HELLS: variants seen among roughly 807,000 people sequenced by gnomAD.
The protein encoded by HELLS is lymphoid-specific helicase.
HELLS carries 32 observed loss-of-function variants against 120.0 expected under a neutral mutation model. The observed-to-expected ratio is 0.27, with a 90% CI of 0.20 to 0.36. HELLS has a LOEUF of 0.36. HELLS is among the 10% of genes least tolerant of loss of function. The probability of loss-of-function intolerance (pLI) is 1.00; values close to 1 mark genes in which losing one functional copy is unlikely to be tolerated. For missense variants in HELLS, 650 were observed against 993.4 expected (o/e 0.65, Z 4.65); for synonymous variants, 341 against 323.4 (o/e 1.05, Z -0.58).
chr10:94,606,944 CTG>C (rs1293732123), downstream of HELLS, among the ~76,000 whole-genome samples: 1 of 152,172 alleles, frequency 6.6e-6, no homozygotes, highest in Non-Finnish European at 1.5e-5. Flanking sequence ...ACATATATAT[CTG>C]AGAGAAATTC....
At chr10:94,574,785 A>T (rs780005748) in intron 9 of HELLS, 49 bp downstream of exon 9, 2 of 1,434,410 alleles carry the variant, frequency 1.4e-6, no homozygotes, top group Non-Finnish European at 1.9e-6. Context: ...ATGTTTTCTT[A>T]TGCTTTGTTG....
intron 2 of HELLS, among the ~76,000 whole-genome samples, chr10:94,550,762 G>T (rs370984699): frequency 3.3e-5 from 5 of 151,982 alleles, no homozygotes; most frequent in Admixed American, 1.3e-4. Flanking sequence ...GGTGGCACGC[G>T]CCTATAGTCC....
chr10:94,599,716 T>C (rs143101297), intron 21 of HELLS, among the ~76,000 whole-genome samples: 1 of 152,198 alleles, frequency 6.6e-6, no homozygotes, highest in Admixed American at 6.5e-5. Context: ...TAAAATAGAA[T>C]TTAAGAAGAT....
At chr10:94,558,845 C>T (rs1843401038) in intron 4 of HELLS, among the ~76,000 whole-genome samples, 1 of 152,148 alleles carries the variant, frequency 6.6e-6, no homozygotes, top group African/African-American at 2.4e-5. Context: ...TTGTGATCTG[C>T]CCACCTCGGC....
intron 12 of HELLS, among the ~76,000 whole-genome samples, chr10:94,583,678 T>C (rs976862904): frequency 6.6e-6 from 1 of 152,178 alleles, no homozygotes; most frequent in Non-Finnish European, 1.5e-5. Context: ...TTGTGTTATA[T>C]GACAATCCAA....
At position 94,596,833 on chromosome 10, in the gene HELLS, A is replaced by T. The variant is rs1171968729; in HGVS notation, c.2249-27A>T. The T allele has an allele frequency of 2.6e-6, 3 of 1,141,856 alleles. No homozygotes were observed. In the East Asian group the frequency reaches 7.0e-5, roughly 27 times the overall value. 70.7% of individuals were successfully genotyped at this position (1,141,856 alleles called of 1,614,324 possible). On this transcript the variant is annotated intron_variant, in intron 19 of 21. Transcript: ENST00000348459. ...TATTGTAGTTTTAAAAGGAATTTTA[A>T]TGTTTTTAATTTCTCATTTTTTTTA...
chr10:94,574,296 A>G, intron 8 of HELLS, 109 bp downstream of exon 8: 3 of 770,016 alleles, frequency 3.9e-6, no homozygotes, highest in Admixed American at 5.5e-5. Context: ...ACTATTATAC[A>G]TTTGTATGTG....
At chr10:94,555,147 A>G (rs185087483) in intron 3 of HELLS, among the ~76,000 whole-genome samples, 1 of 152,198 alleles carries the variant, frequency 6.6e-6, no homozygotes, top group Non-Finnish European at 1.5e-5. Context: ...TGTCTCAAAA[A>G]TAAAACAGGC....
chr10:94,557,598 A>C (rs1393018541), intron 3 of HELLS, among the ~76,000 whole-genome samples: 16 of 152,190 alleles, frequency 1.1e-4, no homozygotes, highest in African/African-American at 3.9e-4. Context: ...TTGGAACATG[A>C]GAGGTTCCAC....
At chr10:94,604,810 T>G (rs956503556), downstream of HELLS, among the ~76,000 whole-genome samples, 1 of 152,150 alleles carries the variant, frequency 6.6e-6, no homozygotes, top group African/African-American at 2.4e-5. Flanking sequence ...TCCCTGAAGT[T>G]AATACTTAAC....
At chr10:94,557,153 G>A (rs887689178) in intron 3 of HELLS, 5 of 415,488 alleles carry the variant, frequency 1.2e-5, no homozygotes, top group Non-Finnish European at 2.4e-5. Context: ...ATCATTTATT[G>A]TATTTATTGT....
At chr10:94,608,829 T>C (rs1846156776) in intron 9 of HELLS, among the ~76,000 whole-genome samples, 3 of 151,932 alleles carry the variant, frequency 2.0e-5, no homozygotes, top group Admixed American at 1.3e-4. Context: ...TTAAATTTTT[T>C]TAAAGCCTTG....
intron 21 of HELLS, among the ~76,000 whole-genome samples, chr10:94,598,940 T>C (rs1376213246): frequency 6.6e-6 from 1 of 152,186 alleles, no homozygotes; most frequent in African/African-American, 2.4e-5. Flanking sequence ...TTGGATGGCC[T>C]TGTCATCCTT....
intron 13 of HELLS, among the ~76,000 whole-genome samples, chr10:94,589,853 A>G (rs1845385168): frequency 6.6e-6 from 1 of 151,424 alleles, no homozygotes; most frequent in Admixed American, 6.6e-5. Context: ...CGCTTGGCTA[A>G]TTTTTTCTAT....
At chr10:94,572,230 C>A (rs1357094080) in intron 7 of HELLS, among the ~76,000 whole-genome samples, 1 of 152,022 alleles carries the variant, frequency 6.6e-6, no homozygotes, top group Non-Finnish European at 1.5e-5. Context: ...ATGTAATCTT[C>A]TGTAATTTAC....
intron 17 of HELLS, 73 bp downstream of exon 17, chr10:94,592,587 C>A: frequency 1.0e-6 from 1 of 964,156 alleles, no homozygotes; most frequent in Non-Finnish European, 1.4e-6. Context: ...AGTAATATTC[C>A]AAATAGACCC....
At position 94,579,986 on chromosome 10, in the gene HELLS, G is replaced by A. The variant is rs963695147; in HGVS notation, c.1033-1340G>A. On this transcript the variant is annotated intron_variant, in intron 10 of 21. Transcript: ENST00000348459. ...AAGGATCTTAGCTTACTCTGGTAACGGAGTGTGAGGTTCCAGGGCTTTTGT... is the reference window on the plus strand; with the variant it reads ...AAGGATCTTAGCTTACTCTGGTAACAGAGTGTGAGGTTCCAGGGCTTTTGT... Among the ~76,000 whole-genome samples, 12 of 151,382 alleles carry A rather than the reference G, an allele frequency of 7.9e-5. No homozygotes were observed. In the South Asian group the frequency reaches 1.3e-3, roughly 16 times the overall value.
intron 21 of HELLS, among the ~76,000 whole-genome samples, chr10:94,599,741 A>G (rs1845936030): frequency 6.6e-6 from 1 of 152,224 alleles, no homozygotes; most frequent in Admixed American, 6.5e-5. Flanking sequence ...TATTAATAAT[A>G]TGTGTAACAG....
intron 7 of HELLS, 66 bp from the exon 8 acceptor site, chr10:94,573,894 C>T (rs1844306841): frequency 1.2e-6 from 1 of 863,162 alleles, no homozygotes; most frequent in Non-Finnish European, 1.9e-6. Flanking sequence ...GTTGCATTTT[C>T]TGATAAATGG....
Sources: gnomAD v4.1 joint callset for allele counts (sites outside exome capture counted in the v4.1 genomes callset) on GRCh38, gnomAD v4.1.1 for gene constraint, MANE v1.5 for transcripts, NCBI Gene and HGNC (gene_info 2026-07-23, HGNC 2026-07-21) for gene names.